ZMAT4: variants seen among roughly 807,000 people sequenced by gnomAD.
The protein encoded by ZMAT4 is zinc finger matrin-type 4, also known as zinc finger matrin-type protein 4.
A neutral mutation model predicts 28.7 loss-of-function variants in ZMAT4; 17 were observed. That is an observed-to-expected ratio of 0.59 (90% CI 0.41 to 0.89). The LOEUF (loss-of-function observed/expected upper bound fraction) is 0.89, where lower values mean the gene tolerates loss of function less well. ZMAT4 is among the 40% of genes least tolerant of loss of function. The pLI is 0.00. For missense variants in ZMAT4, 240 were observed against 283.8 expected (o/e 0.85, Z 1.11); for synonymous variants, 117 against 109.2 (o/e 1.07, Z -0.44).
At chr8:40,798,668 G>A (rs1014697397) in intron 2 of ZMAT4, among the ~76,000 whole-genome samples, 2 of 152,118 alleles carry the variant, frequency 1.3e-5, no homozygotes, top group African/African-American at 4.8e-5. Flanking sequence ...TGACAAAGTG[G>A]ATAATTCTTA....
intron 5 of ZMAT4, among the ~76,000 whole-genome samples, chr8:40,611,377 G>A (rs1805789041): frequency 6.6e-6 from 1 of 151,104 alleles, no homozygotes; most frequent in Non-Finnish European, 1.5e-5. Context: ...TTTTAAGATG[G>A]AGTCTCGCTC....
intron 1 of ZMAT4, among the ~76,000 whole-genome samples, chr8:40,844,895 A>G (rs1267554931): frequency 6.6e-6 from 1 of 152,160 alleles, no homozygotes; most frequent in Non-Finnish European, 1.5e-5. Flanking sequence ...ACTGTGACAG[A>G]ATCAGGGTAA....
chr8:40,549,000 C>T (rs1295956273), intron 6 of ZMAT4, among the ~76,000 whole-genome samples: 2 of 152,112 alleles, frequency 1.3e-5, no homozygotes, highest in South Asian at 2.1e-4. Flanking sequence ...GAAACGTAAT[C>T]CCCAGCTGAA....
At chr8:40,875,310 C>T (rs1381151569) in intron 1 of ZMAT4, among the ~76,000 whole-genome samples, 1 of 152,142 alleles carries the variant, frequency 6.6e-6, no homozygotes, top group Admixed American at 6.5e-5. Context: ...CTGCATCTTG[C>T]CTTTACCCAG....
intron 1 of ZMAT4, among the ~76,000 whole-genome samples, chr8:40,865,499 A>T (rs954688104): frequency 6.6e-6 from 1 of 152,188 alleles, no homozygotes; most frequent in Non-Finnish European, 1.5e-5. Context: ...CCTATGAGTG[A>T]GCCCAGGCCT....
chr8:40,726,765 A>C (rs1229513714), intron 3 of ZMAT4, among the ~76,000 whole-genome samples: 1 of 152,236 alleles, frequency 6.6e-6, no homozygotes, highest in Non-Finnish European at 1.5e-5. Flanking sequence ...AGCAGAGTTG[A>C]GGAGTGGCAA....
intron 5 of ZMAT4, among the ~76,000 whole-genome samples, chr8:40,611,340 CT>C (rs1412914465): frequency 6.6e-6 from 1 of 151,902 alleles, no homozygotes; most frequent in East Asian, 1.9e-4. Flanking sequence ...TAGAATATAT[CT>C]GATATCAGAA....
chr8:40,631,425 T>G (rs1266324274), intron 5 of ZMAT4, among the ~76,000 whole-genome samples: 1 of 152,210 alleles, frequency 6.6e-6, no homozygotes, highest in East Asian at 1.9e-4. Flanking sequence ...CCCAAGGTGC[T>G]GGGATTACAA....
At chr8:40,787,096 A>C (rs1203547080) in intron 2 of ZMAT4, among the ~76,000 whole-genome samples, 1 of 152,246 alleles carries the variant, frequency 6.6e-6, no homozygotes, top group African/African-American at 2.4e-5. Context: ...TGTCCCAATC[A>C]ATTTTAACAC....
At chr8:40,825,282 G>A (rs1815990281) in intron 2 of ZMAT4, among the ~76,000 whole-genome samples, 1 of 152,154 alleles carries the variant, frequency 6.6e-6, no homozygotes, top group Non-Finnish European at 1.5e-5. Context: ...TGGATGCACA[G>A]TGACAGATTT....
chr8:40,869,300 C>T (rs1009246985), intron 1 of ZMAT4, among the ~76,000 whole-genome samples: 1 of 91,546 alleles, frequency 1.1e-5, no homozygotes, highest in African/African-American at 2.8e-5. Context: ...TAGTTGAGAT[C>T]CCCAGTGAAC....
intron 3 of ZMAT4, among the ~76,000 whole-genome samples, chr8:40,737,215 G>A (rs889610282): frequency 6.6e-5 from 10 of 151,836 alleles, no homozygotes; most frequent in Non-Finnish European, 1.0e-4. Flanking sequence ...TTTTTTTTGC[G>A]ATTTTTTTTT....
chr8:40,582,252 A>G lies in ZMAT4; in HGVS notation c.578-991T>C, dbSNP rs766883213. On this transcript the variant is annotated intron_variant, in intron 5 of 6. Coordinates refer to ENST00000297737, the MANE Select transcript of ZMAT4 (RefSeq NM_024645.3). Reference sequence around the variant, plus strand: ...GATATTACAATGGCCCGTAATCCCAATGATTTGGGAGGCCGAGGCAGGAGG... The same window carrying G: ...GATATTACAATGGCCCGTAATCCCAGTGATTTGGGAGGCCGAGGCAGGAGG... Among the ~76,000 whole-genome samples, 19 of 152,304 alleles carry G rather than the reference A, an allele frequency of 1.2e-4. 1 individual carries two copies. The highest frequency in any genetic ancestry group is 3.4e-3 in the Middle Eastern group (1 of 294).
intron 4 of ZMAT4, among the ~76,000 whole-genome samples, chr8:40,695,000 G>A (rs926015363): frequency 3.9e-5 from 6 of 152,170 alleles, no homozygotes; most frequent in Non-Finnish European, 5.9e-5. Flanking sequence ...AGGCCAAGAA[G>A]AATCTAGACA....
chr8:40,820,318 A>ATG, intron 2 of ZMAT4, among the ~76,000 whole-genome samples: 3 of 141,584 alleles, frequency 2.1e-5, no homozygotes, highest in Admixed American at 2.1e-4. Flanking sequence ...GTGGGTCTTT[A>ATG]TGTGTGTATA....
intron 3 of ZMAT4, among the ~76,000 whole-genome samples, chr8:40,752,939 C>T (rs1209189526): frequency 6.6e-6 from 1 of 152,028 alleles, no homozygotes; most frequent in Non-Finnish European, 1.5e-5. Flanking sequence ...AGGTTTGTTA[C>T]ATAGGTATAA....
intron 3 of ZMAT4, among the ~76,000 whole-genome samples, chr8:40,736,062 C>T (rs146752523): frequency 1.8e-3 from 277 of 152,258 alleles, no homozygotes; most frequent in African/African-American, 6.3e-3. Context: ...CAGTGCAGAG[C>T]GGGAGAAACA....
At chr8:40,892,677 G>A (rs897402314) in intron 1 of ZMAT4, among the ~76,000 whole-genome samples, 6 of 152,220 alleles carry the variant, frequency 3.9e-5, no homozygotes, top group South Asian at 2.1e-4. Context: ...CTATCAGCTC[G>A]CTGTGTGACA....
At chr8:40,677,605 G>A (rs1808965553) in intron 4 of ZMAT4, among the ~76,000 whole-genome samples, 1 of 152,136 alleles carries the variant, frequency 6.6e-6, no homozygotes, top group Non-Finnish European at 1.5e-5. Context: ...CTACAGCTTT[G>A]ATTCAATACC....
Sources: gnomAD v4.1 joint callset for allele counts (sites outside exome capture counted in the v4.1 genomes callset) on GRCh38, gnomAD v4.1.1 for gene constraint, MANE v1.5 for transcripts, NCBI Gene and HGNC (gene_info 2026-07-23, HGNC 2026-07-21) for gene names.